The following PRKN variants were observed in gnomAD, a reference collection of about 807,000 sequenced individuals.
The protein encoded by PRKN is E3 ubiquitin-protein ligase parkin.
In PRKN, 56 loss-of-function variants were observed where a neutral mutation model predicts 59.5. That is an observed-to-expected ratio of 0.94 (90% CI 0.76 to 1.18). PRKN has a LOEUF of 1.18. Ranked by LOEUF, PRKN falls within the 50% of genes most tolerant of loss-of-function variation. The pLI is 0.00. For missense variants in PRKN, 657 were observed against 596.4 expected (o/e 1.10, Z -1.06); for synonymous variants, 250 against 222.1 (o/e 1.13, Z -1.12).
intron 6 of PRKN, among the ~76,000 whole-genome samples, chr6:161,832,980 G>C (rs915330746): frequency 6.6e-6 from 1 of 152,138 alleles, no homozygotes; most frequent in African/African-American, 2.4e-5. Flanking sequence ...TTGAGGAGCA[G>C]TCCTAGAGGT....
Position 161,810,981 on chromosome 6 carries a change from C to T in PRKN, c.735-25073G>A, listed in dbSNP as rs536442675. On this transcript the variant is annotated intron_variant, in intron 6 of 11. Transcript: ENST00000366898. ...ATGGGGAAGAGGAAGAAAGGGTACT[C>T]CAAGCAGAGGGAAGACTATCTGGTA... 2.0e-5 allele frequency among the ~76,000 whole-genome samples: 3 copies of T among 152,096 alleles called. No individual in the cohort carries two copies. In the East Asian group the frequency reaches 5.8e-4, roughly 29 times the overall value.
chr6:162,678,736 G>C (rs1282887112), intron 1 of PRKN, among the ~76,000 whole-genome samples: 2 of 152,036 alleles, frequency 1.3e-5, no homozygotes, highest in African/African-American at 4.8e-5. Flanking sequence ...GTTTCTCCAA[G>C]TCCTGACTTG....
intron 1 of PRKN, among the ~76,000 whole-genome samples, chr6:162,593,413 T>A (rs763032831): frequency 6.6e-6 from 1 of 152,190 alleles, no homozygotes; most frequent in Non-Finnish European, 1.5e-5. Context: ...AAACAATCTA[T>A]CAATATCAAT....
At chr6:162,431,399 C>A (rs1216275717) in intron 2 of PRKN, among the ~76,000 whole-genome samples, 1 of 151,898 alleles carries the variant, frequency 6.6e-6, no homozygotes, top group Non-Finnish European at 1.5e-5. Context: ...ATTTATTTTT[C>A]AGGAAGTATC....
chr6:161,512,538 C>T (rs187363615), intron 9 of PRKN, among the ~76,000 whole-genome samples: 22 of 152,286 alleles, frequency 1.4e-4, no homozygotes, highest in Admixed American at 3.3e-4. Context: ...GTCAACAGAG[C>T]GGGCTTCCTT....
At position 162,579,177 on chromosome 6, in the gene PRKN, G is replaced by A. The variant is rs557416400; in HGVS notation, c.8-135704C>T. Among the ~76,000 whole-genome samples the A allele has an allele frequency of 9.9e-4, 151 of 152,194 alleles. 1 individual carries two copies. The South Asian group carries it at 0.028, about 28-fold the overall frequency. ...ATGTGCCCCTCTCCTCCAATCCTGC[G>A]ACTCCCAGTCCATTGAATCTATCTG... On this transcript the variant is annotated intron_variant, in intron 1 of 11. Coordinates refer to ENST00000366898, the MANE Select transcript of PRKN (RefSeq NM_004562.3).
chr6:161,606,906 C>T (rs1782304278), intron 7 of PRKN, among the ~76,000 whole-genome samples: 1 of 152,202 alleles, frequency 6.6e-6, no homozygotes, highest in Non-Finnish European at 1.5e-5. Flanking sequence ...GTTCTTTTCC[C>T]AGAGTAGCCC....
chr6:161,610,113 T>G (rs1219116678), intron 7 of PRKN, among the ~76,000 whole-genome samples: 1 of 152,230 alleles, frequency 6.6e-6, no homozygotes. Context: ...CCAAGCACTA[T>G]GCTAGGAACT....
At chr6:162,376,396 G>A (rs1180913107) in intron 2 of PRKN, among the ~76,000 whole-genome samples, 1 of 151,926 alleles carries the variant, frequency 6.6e-6, no homozygotes, top group Non-Finnish European at 1.5e-5. Context: ...TATGTTTGTG[G>A]GGTCCACAGC....
chr6:161,828,430 A>AT (rs1792335965), intron 6 of PRKN, among the ~76,000 whole-genome samples: 1 of 152,200 alleles, frequency 6.6e-6, no homozygotes, highest in African/African-American at 2.4e-5. Context: ...GCAAACAGTG[A>AT]TGCACAACAG....
chr6:161,854,264 C>T (rs1793555356), intron 6 of PRKN, among the ~76,000 whole-genome samples: 1 of 150,990 alleles, frequency 6.6e-6, no homozygotes, highest in Non-Finnish European at 1.5e-5. Context: ...CAAAAACAAA[C>T]ATACAAACAA....
At chr6:162,385,666 A>G (rs1294635210) in intron 2 of PRKN, among the ~76,000 whole-genome samples, 3 of 152,016 alleles carry the variant, frequency 2.0e-5, no homozygotes, top group African/African-American at 7.2e-5. Context: ...TCCTGTGCTC[A>G]TTACTGAGTT....
intron 4 of PRKN, among the ~76,000 whole-genome samples, chr6:162,147,877 G>A (rs1026476067): frequency 2.0e-5 from 3 of 152,076 alleles, no homozygotes; most frequent in Admixed American, 2.0e-4. Context: ...TATTCTACTT[G>A]TCCACAGAAA....
At chr6:162,025,569 C>T (rs976192240) in intron 5 of PRKN, among the ~76,000 whole-genome samples, 7 of 134,504 alleles carry the variant, frequency 5.2e-5, no homozygotes, top group Non-Finnish European at 1.1e-4. Flanking sequence ...CTCCCAGTGG[C>T]CATATCCATG....
At chr6:162,252,698 T>C (rs1779484836) in intron 3 of PRKN, among the ~76,000 whole-genome samples, 1 of 152,226 alleles carries the variant, frequency 6.6e-6, no homozygotes, top group Non-Finnish European at 1.5e-5. Flanking sequence ...ACATCAGCTT[T>C]AAAGGTGCCT....
intron 3 of PRKN, among the ~76,000 whole-genome samples, chr6:162,225,288 C>T (rs1420178020): frequency 1.3e-5 from 2 of 152,154 alleles, no homozygotes; most frequent in African/African-American, 4.8e-5. Flanking sequence ...TACCTTATGA[C>T]CCAAGCACCT....
At chr6:161,966,217 G>C (rs1215028423) in intron 6 of PRKN, among the ~76,000 whole-genome samples, 1 of 151,942 alleles carries the variant, frequency 6.6e-6, no homozygotes, top group African/African-American at 2.4e-5. Flanking sequence ...GAGAATATAC[G>C]AATTGTAGGG....
chr6:161,717,942 C>A (rs1256446023), intron 7 of PRKN, among the ~76,000 whole-genome samples: 2 of 152,120 alleles, frequency 1.3e-5, no homozygotes, highest in Non-Finnish European at 2.9e-5. Flanking sequence ...GAAGAGGATG[C>A]CCAGAGGGAA....
intron 7 of PRKN, among the ~76,000 whole-genome samples, chr6:161,740,280 G>A (rs78569680): frequency 0.026 from 3,920 of 152,252 alleles, 178 homozygotes; most frequent in African/African-American, 0.09. Flanking sequence ...CTATGCATAC[G>A]CACTTTGTCC....
Sources: allele counts gnomAD v4.1 joint callset (sites outside exome capture counted in the v4.1 genomes callset), GRCh38; gene constraint gnomAD v4.1.1; transcripts MANE v1.5; gene names NCBI Gene and HGNC (gene_info 2026-07-23, HGNC 2026-07-21).